Variants in SGPP2 observed in about 807,000 individuals in gnomAD.
SGPP2 encodes sphingosine-1-phosphate phosphatase 2, also known as sphingosine 1-phosphate phosphohydrolase 2.
SGPP2 carries 30 observed loss-of-function variants against 33.9 expected under a neutral mutation model. That is an observed-to-expected ratio of 0.89 (90% CI 0.66 to 1.20). The LOEUF is 1.20. SGPP2 is among the 50% of genes most tolerant of loss of function. The probability of loss-of-function intolerance (pLI) is 0.00; values close to 1 mark genes in which losing one functional copy is unlikely to be tolerated. For synonymous variants in SGPP2, 233 were observed against 225.0 expected, an observed-to-expected ratio of 1.04 and a Z score of -0.32; for missense variants, 458 against 532.1, an observed-to-expected ratio of 0.86 and a Z score of 1.37.
At chr2:222,458,461 A>G (rs1257759675) in intron 1 of SGPP2, among the ~76,000 whole-genome samples, 1 of 152,166 alleles carries the variant, frequency 6.6e-6, no homozygotes, top group Non-Finnish European at 1.5e-5. Flanking sequence ...AATGTCCTAT[A>G]TTGTTTTAGA....
chr2:222,554,339 TATTCCACTGCGTGGCTATATC>T (rs1400917619), intron 4 of SGPP2, among the ~76,000 whole-genome samples: 1 of 152,250 alleles, frequency 6.6e-6, no homozygotes, highest in Non-Finnish European at 1.5e-5. Context: ...AGTGGCATAG[TATTCCACTGCGTGGCTATATC>T]ATAGTTCAAT....
intron 1 of SGPP2, among the ~76,000 whole-genome samples, chr2:222,466,253 C>CTTT (rs34005867): frequency 1.4e-3 from 145 of 104,674 alleles, no homozygotes; most frequent in Middle Eastern, 0.011. Flanking sequence ...CTGTTTTCAA[C>CTTT]TTTTTTTTTT....
intron 4 of SGPP2, among the ~76,000 whole-genome samples, chr2:222,551,092 AT>A (rs1689286101): frequency 6.6e-6 from 1 of 152,194 alleles, no homozygotes; most frequent in Admixed American, 6.5e-5. Context: ...TCTTTCCCTT[AT>A]CATGCCTTTT....
intron 2 of SGPP2, among the ~76,000 whole-genome samples, chr2:222,511,413 C>T (rs1698525483): frequency 6.6e-6 from 1 of 152,198 alleles, no homozygotes; most frequent in Non-Finnish European, 1.5e-5. Context: ...CCTTCAATAC[C>T]ATGTGGGGGC....
chr2:222,474,804 T>A, intron 2 of SGPP2, 78 bp downstream of exon 2: 1 of 1,131,230 alleles, frequency 8.8e-7, no homozygotes, highest in Non-Finnish European at 1.2e-6. Context: ...ACTTTGCAAA[T>A]ATGTTCTTTC....
At chr2:222,494,287 A>T (rs61297629) in intron 2 of SGPP2, among the ~76,000 whole-genome samples, 10 of 152,346 alleles carry the variant, frequency 6.6e-5, no homozygotes, top group East Asian at 3.9e-4. Flanking sequence ...AAGATTTTTT[A>T]AAAAAATCCT....
chr2:222,503,559 TG>T (rs1339815460), intron 2 of SGPP2, among the ~76,000 whole-genome samples: 1 of 152,204 alleles, frequency 6.6e-6, no homozygotes, highest in African/African-American at 2.4e-5. Flanking sequence ...CAGGCCATCA[TG>T]CTTTTTTTTC....
chr2:222,518,397 T>A (rs371147557), intron 2 of SGPP2, among the ~76,000 whole-genome samples: 1 of 152,240 alleles, frequency 6.6e-6, no homozygotes, highest in Admixed American at 6.5e-5. Flanking sequence ...TTCCTGTTTC[T>A]GATGATTTTA....
chr2:222,431,672 C>T (rs1281127970), intron 1 of SGPP2, among the ~76,000 whole-genome samples: 2 of 152,098 alleles, frequency 1.3e-5, no homozygotes, highest in African/African-American at 4.8e-5. Context: ...TTCGGGTAAC[C>T]CCAGACCCAC....
At chr2:222,558,231 A>G (rs1689449981) in intron 4 of SGPP2, 116 bp from the exon 5 acceptor site, 4 of 1,174,874 alleles carry the variant, frequency 3.4e-6, no homozygotes, top group Non-Finnish European at 4.8e-6. Flanking sequence ...ACTGTAAAAT[A>G]AAACAATGCA....
At position 222,535,513 on chromosome 2, in the gene SGPP2, CA is replaced by C. The variant is rs1210684738; in HGVS notation, c.648+10483del. 2.6e-5 allele frequency among the ~76,000 whole-genome samples: 4 copies of C among 152,240 alleles called. No homozygotes were observed. In the East Asian group the frequency reaches 7.7e-4, roughly 29 times the overall value. Reference sequence around the variant, plus strand: ...TTGAGTGCAGACCACAGGAGATGGACAAAGACAGAAGTTGGTCAAGCACCAG... The same window carrying C: ...TTGAGTGCAGACCACAGGAGATGGACAAGACAGAAGTTGGTCAAGCACCAG... On this transcript the variant is annotated intron_variant, in intron 4 of 4. Transcript: ENST00000321276.
intron 2 of SGPP2, among the ~76,000 whole-genome samples, chr2:222,520,141 T>C (rs1344315350): frequency 6.6e-6 from 1 of 152,222 alleles, no homozygotes; most frequent in African/African-American, 2.4e-5. Context: ...CAGCAGTGTA[T>C]AAGCATTTCC....
At chr2:222,463,580 A>G (rs923488206) in intron 1 of SGPP2, among the ~76,000 whole-genome samples, 1 of 152,168 alleles carries the variant, frequency 6.6e-6, no homozygotes, top group Non-Finnish European at 1.5e-5. Flanking sequence ...TGAAGATACC[A>G]TTTTGCTTCA....
At chr2:222,553,207 G>A (rs752683891) in intron 4 of SGPP2, among the ~76,000 whole-genome samples, 11 of 152,194 alleles carry the variant, frequency 7.2e-5, no homozygotes, top group Non-Finnish European at 1.5e-5. Flanking sequence ...TTCCAACTGT[G>A]TTAATACATG....
chr2:222,493,978 T>G (rs563935362), intron 2 of SGPP2, among the ~76,000 whole-genome samples: 1 of 152,346 alleles, frequency 6.6e-6, no homozygotes, highest in South Asian at 2.1e-4. Flanking sequence ...TTAATTTCCC[T>G]CTGTTTTAAT....
At chr2:222,450,330 A>G (rs1697464694) in intron 1 of SGPP2, among the ~76,000 whole-genome samples, 2 of 152,192 alleles carry the variant, frequency 1.3e-5, no homozygotes, top group South Asian at 4.1e-4. Context: ...TTTAATATTA[A>G]CATTGTTGAA....
chr2:222,439,468 G>T (rs897169779), intron 1 of SGPP2, among the ~76,000 whole-genome samples: 1 of 152,130 alleles, frequency 6.6e-6, no homozygotes, highest in Non-Finnish European at 1.5e-5. Flanking sequence ...GGAGGCAGAG[G>T]TTGCAGTGAG....
At chr2:222,474,871 A>G (rs1559154326) in intron 2 of SGPP2, 145 bp downstream of exon 2, 4 of 716,862 alleles carry the variant, frequency 5.6e-6, no homozygotes, top group African/African-American at 5.4e-5. Context: ...TTCCTTTGGA[A>G]AAATTAGAAA....
At chr2:222,449,386 C>T (rs559258518) in intron 1 of SGPP2, among the ~76,000 whole-genome samples, 21 of 151,916 alleles carry the variant, frequency 1.4e-4, no homozygotes, top group Admixed American at 1.3e-3. Context: ...AGGTGAAAAA[C>T]AAAAATGGTC....
Sources: allele counts gnomAD v4.1 joint callset (sites outside exome capture counted in the v4.1 genomes callset), GRCh38; gene constraint gnomAD v4.1.1; transcripts MANE v1.5; gene names NCBI Gene and HGNC (gene_info 2026-07-23, HGNC 2026-07-21).